Variants in EPHA7 observed in about 807,000 individuals in gnomAD.
EPHA7 encodes the protein ephrin type-A receptor 7.
EPHA7 carries 25 observed loss-of-function variants against 112.6 expected under a neutral mutation model. The ratio of observed to expected loss-of-function variants is 0.22; its 90% CI spans 0.16 to 0.31. EPHA7 has a LOEUF of 0.31. Ranked by LOEUF, EPHA7 falls within the 10% of genes least tolerant of loss-of-function variation. The pLI is 1.00. For missense variants in EPHA7, 962 were observed against 1,212.6 expected, an observed-to-expected ratio of 0.79 and a Z score of 3.07; for synonymous variants, 437 against 406.5, an observed-to-expected ratio of 1.07 and a Z score of -0.90.
chr6:93,370,989 CAAA>C (rs1231694778), intron 3 of EPHA7, among the ~76,000 whole-genome samples: 1 of 90,074 alleles, frequency 1.1e-5, no homozygotes, highest in Non-Finnish European at 2.4e-5. Context: ...ACGAAAAATA[CAAA>C]AAAAAAAAAA....
chr6:93,325,289 A>T (rs912768413), intron 5 of EPHA7, among the ~76,000 whole-genome samples: 1 of 151,334 alleles, frequency 6.6e-6, no homozygotes. Flanking sequence ...TATCTCACTT[A>T]TTCTTTTTTA....
Position 93,357,013 on chromosome 6 carries a change from T to C in EPHA7, c.1028A>G (p.Asn343Ser), listed in dbSNP as rs750403324. 4.3e-6 allele frequency: 7 copies of C among 1,613,504 alleles called. No homozygotes were observed. Among genetic ancestry groups the C allele is most frequent in the South Asian group, 1.1e-5 (1 of 91,066 alleles). ...CCATTCCAAACTTACTGTGGTTTGG[T>C]TGATGTTGAAAATGAGGTTCTGTGG... is the stretch of plus-strand genomic sequence containing the variant. ...SAPQNLIFNINQTTVSLEWSP... is the reference protein window; with the variant it reads ...SAPQNLIFNISQTTVSLEWSP... The change falls in exon 5 of 17, where the codon AAC (asparagine) becomes AGC (serine). Residue 343 changes from asparagine (N) to serine (S), a missense_variant. Asn to Ser is a conservative substitution (Grantham distance 46). Transcript: ENST00000369303.
At position 93,243,264 on chromosome 6, in the gene EPHA7, G is replaced by T; in HGVS notation, c.*162C>A. 2.1e-6 allele frequency: 1 copy of T among 470,798 alleles called. No individual in the cohort carries two copies. Among genetic ancestry groups the T allele is most frequent in the Non-Finnish European group, 3.8e-6 (1 of 266,250 alleles). 29.2% of individuals were successfully genotyped at this position (470,798 alleles called of 1,614,324 possible). On this transcript the variant is annotated 3_prime_UTR_variant, in exon 17 of 17. Transcript: ENST00000369303. ...AAATTCCCTTTTTATATATTCTGGT[G>T]GCACTTAGGAGTTCAAGTCTATAGG...
rs532090448 is a variant in EPHA7, at chr6:93,366,548, A to C, written c.833-8137T>G. The stretch of plus-strand genomic sequence containing the variant: ...GCCTAACCGCCCCTACAAATATACC[A>C]TATAGAAACATACAGTACACCCACT... On this transcript the variant is annotated intron_variant, in intron 3 of 16. Coordinates refer to ENST00000369303, the MANE Select transcript of EPHA7 (RefSeq NM_004440.4). Among the ~76,000 whole-genome samples the C allele has an allele frequency of 4.6e-5, 7 of 152,302 alleles. No individual in the cohort carries two copies. The South Asian group carries it at 1.4e-3, about 32-fold the overall frequency.
intron 1 of EPHA7, among the ~76,000 whole-genome samples, chr6:93,418,512 C>T (rs901714133): frequency 3.3e-5 from 5 of 152,198 alleles, no homozygotes; most frequent in African/African-American, 4.8e-5. Flanking sequence ...CGCCCCCTGC[C>T]TCCACGGCCC....
chr6:93,250,373 CTTA>C (rs1310401910), intron 14 of EPHA7, among the ~76,000 whole-genome samples: 4 of 152,024 alleles, frequency 2.6e-5, no homozygotes, highest in Non-Finnish European at 4.4e-5. Flanking sequence ...TTATTAAGTG[CTTA>C]TTATATGATT....
chr6:93,414,897 A>G, intron 1 of EPHA7, 130 bp from the exon 2 acceptor site: 1 of 684,074 alleles, frequency 1.5e-6, no homozygotes. Flanking sequence ...TATGTAAATC[A>G]ATGGTGAAAT....
intron 14 of EPHA7, among the ~76,000 whole-genome samples, chr6:93,254,114 AT>A (rs1179516764): frequency 6.6e-6 from 1 of 152,092 alleles, no homozygotes; most frequent in Non-Finnish European, 1.5e-5. Flanking sequence ...TTCCAAAGAT[AT>A]TCTTATTGTG....
intron 3 of EPHA7, among the ~76,000 whole-genome samples, chr6:93,394,768 C>A (rs1166210884): frequency 4.0e-5 from 6 of 151,828 alleles, no homozygotes; most frequent in Non-Finnish European, 8.8e-5. Context: ...AGATGCAGAT[C>A]TGTCCTGGTG....
At chr6:93,271,366 C>G (rs1170137108) in intron 6 of EPHA7, among the ~76,000 whole-genome samples, 1 of 151,820 alleles carries the variant, frequency 6.6e-6, no homozygotes, top group Non-Finnish European at 1.5e-5. Flanking sequence ...AAAGTTTTCT[C>G]AAAGCTTTAA....
At chr6:93,373,839 T>C (rs1316490202) in intron 3 of EPHA7, among the ~76,000 whole-genome samples, 2 of 151,952 alleles carry the variant, frequency 1.3e-5, no homozygotes, top group Non-Finnish European at 2.9e-5. Context: ...TGTTACATGT[T>C]TTACAAAAGG....
intron 5 of EPHA7, among the ~76,000 whole-genome samples, chr6:93,347,625 G>A (rs566430359): frequency 6.6e-6 from 1 of 151,970 alleles, no homozygotes; most frequent in Non-Finnish European, 1.5e-5. Flanking sequence ...AGACTGAGGG[G>A]CTTAAATTGA....
In EPHA7 at chr6:93,288,883, C is replaced by A. The variant is rs181006152; in HGVS notation, c.1325-16461G>T. On this transcript the variant is annotated intron_variant, in intron 5 of 16. Coordinates refer to ENST00000369303, the MANE Select transcript of EPHA7 (RefSeq NM_004440.4). ...CACTTTACAGCTGAAAATTGGCATG[C>A]GTTTGTATGATCATTTGATGACTAT... 4.6e-5 allele frequency among the ~76,000 whole-genome samples: 7 copies of A among 152,216 alleles called. No individual in the cohort carries two copies. In the East Asian group the frequency reaches 1.3e-3, roughly 29 times the overall value.
At chr6:93,261,449 G>A (rs1418935776) in intron 9 of EPHA7, among the ~76,000 whole-genome samples, 3 of 151,430 alleles carry the variant, frequency 2.0e-5, no homozygotes, top group Non-Finnish European at 4.4e-5. Flanking sequence ...TCTATATTAA[G>A]TAATCATAAA....
chr6:93,383,734 T>C (rs1056114878), intron 3 of EPHA7, among the ~76,000 whole-genome samples: 1 of 152,188 alleles, frequency 6.6e-6, no homozygotes, highest in African/African-American at 2.4e-5. Flanking sequence ...CAATGTCTTG[T>C]TGTCACCCAG....
rs553924637 is a variant in EPHA7 at position 93,244,472 on chromosome 6, T to C, written c.2882+826A>G. On this transcript the variant is annotated intron_variant, in intron 16 of 16. Coordinates refer to ENST00000369303, the MANE Select transcript of EPHA7 (RefSeq NM_004440.4). ...AGGATCCCACAAATGGAACCTTGAT[T>C]ATTGTTTTCCATTTTCAAGCACATT... 2.0e-5 allele frequency among the ~76,000 whole-genome samples: 3 copies of C among 152,190 alleles called. No homozygotes were observed. In the South Asian group the frequency reaches 6.2e-4, roughly 32 times the overall value.
intron 5 of EPHA7, among the ~76,000 whole-genome samples, chr6:93,337,768 G>A (rs1473378671): frequency 1.3e-5 from 2 of 152,046 alleles, no homozygotes; most frequent in African/African-American, 4.8e-5. Flanking sequence ...ATCACAGGAT[G>A]GAAAAAGCAG....
chr6:93,348,248 T>A, intron 5 of EPHA7, among the ~76,000 whole-genome samples: 1 of 151,754 alleles, frequency 6.6e-6, no homozygotes, highest in East Asian at 1.9e-4. Context: ...ATGTTTTAAT[T>A]GAGAAGAGTC....
chr6:93,305,020 T>C (rs1166611699), intron 5 of EPHA7, among the ~76,000 whole-genome samples: 1 of 152,068 alleles, frequency 6.6e-6, no homozygotes, highest in African/African-American at 2.4e-5. Context: ...AAATACAATG[T>C]AGATTATTAA....
Sources: gnomAD v4.1 joint callset for allele counts (sites outside exome capture counted in the v4.1 genomes callset) on GRCh38, gnomAD v4.1.1 for gene constraint, MANE v1.5 for transcripts, NCBI Gene and HGNC (gene_info 2026-07-23, HGNC 2026-07-21) for gene names.